Variants in MOB2 observed in about 807,000 individuals in gnomAD.
MOB2 encodes MOB2 Mps One Binder homolog.
Under a neutral mutation model 27.4 loss-of-function variants are expected in MOB2, and 14 were observed. That is an observed-to-expected ratio of 0.51 (90% CI 0.34 to 0.80). The LOEUF is 0.80. MOB2 is among the 30% of genes least tolerant of loss of function. The probability of loss-of-function intolerance (pLI) is 0.01; values close to 1 mark genes in which losing one functional copy is unlikely to be tolerated. For missense variants in MOB2, 304 were observed against 354.6 expected (o/e 0.86, Z 1.15); for synonymous variants, 167 against 151.8 (o/e 1.10, Z -0.74).
intron 3 of MOB2, 44 bp downstream of exon 3, chr11:1,480,349 C>A: frequency 6.3e-7 from 1 of 1,575,724 alleles, no homozygotes; most frequent in Non-Finnish European, 8.7e-7. Context: ...AGAGCCCCAC[C>A]GAGTCTCCCA....
rs560447464 is a variant in MOB2, at chr11:1,485,313, C to T, written c.110+1134G>A. ...ACTGGCACAGGCACACACACACACA[C>T]GCCAGTCCCCTCACACCACTGATGT... On this transcript the variant is annotated intron_variant, in intron 1 of 4. Coordinates refer to ENST00000329957, the MANE Select transcript of MOB2 (RefSeq NM_001172223.3). 1.2e-4 allele frequency among the ~76,000 whole-genome samples: 18 copies of T among 152,342 alleles called. No homozygotes were observed. In the East Asian group the frequency reaches 1.7e-3, roughly 15 times the overall value.
At position 1,473,894 on chromosome 11, in the gene MOB2, G is replaced by A. The variant is rs574739911; in HGVS notation, c.366-2475C>T. The stretch of plus-strand genomic sequence containing the variant: ...CTCCTCAGGGATGGGCCGCGGGAAG[G>A]AATCGCACCGCGCGGATCCTCCCGA... On this transcript the variant is annotated intron_variant, in intron 3 of 4. Transcript: ENST00000329957. Among the ~76,000 whole-genome samples the A allele has an allele frequency of 3.3e-5, 5 of 152,378 alleles. No individual in the cohort carries two copies. The South Asian group carries it at 1.0e-3, about 32-fold the overall frequency.
chr11:1,482,312 G>A (rs981954577), intron 1 of MOB2, among the ~76,000 whole-genome samples: 21 of 152,244 alleles, frequency 1.4e-4, no homozygotes, highest in African/African-American at 3.4e-4. Flanking sequence ...AGCTGTCAGC[G>A]CGCTCACTCT....
In MOB2 at chr11:1,486,641, C is replaced by T. The variant is rs1847973545; in HGVS notation, c.-85G>A. 5 of 880,888 alleles carry T rather than the reference C, an allele frequency of 5.7e-6. No individual in the cohort carries two copies. Among genetic ancestry groups the T allele is most frequent in the Middle Eastern group, 3.2e-4 (1 of 3,156 alleles). 54.6% of individuals were successfully genotyped at this position (880,888 alleles called of 1,614,324 possible). A position where few individuals can be genotyped will look rare whatever the true frequency, so the allele number is the denominator to read the frequency against. On this transcript the variant is annotated 5_prime_UTR_variant, in exon 1 of 5. Transcript: ENST00000329957. ...CGCAAATGCCTGCTGCCGGGCCCTC[C>T]AGCCTCACTCCCTGGCCAATGGGAC...
Position 1,469,507 on chromosome 11 carries a change from G to A in MOB2, c.*665C>T, listed in dbSNP as rs1159295840. 1 of 453,966 alleles carries A rather than the reference G, an allele frequency of 2.2e-6. No homozygotes were observed. Among genetic ancestry groups the A allele is most frequent in the Admixed American group, 2.4e-5 (1 of 42,500 alleles). 28.1% of individuals were successfully genotyped at this position (453,966 alleles called of 1,614,324 possible). A position where few individuals can be genotyped will look rare whatever the true frequency, so the allele number is the denominator to read the frequency against. ...CGAGTGAACAGATGAACTAAGGTAAGCGGGTCTCAGCCTTCCGCTGGTGCA... is the reference window on the plus strand; with the variant it reads ...CGAGTGAACAGATGAACTAAGGTAAACGGGTCTCAGCCTTCCGCTGGTGCA... On this transcript the variant is annotated 3_prime_UTR_variant, in exon 5 of 5. Transcript: ENST00000329957.
intron 1 of MOB2, chr11:1,481,386 C>T (rs929579350): frequency 4.1e-5 from 8 of 194,824 alleles, no homozygotes; most frequent in Admixed American, 2.2e-4. Flanking sequence ...CCTGAGAGCA[C>T]GGGGCCCCTG....
intron 1 of MOB2, among the ~76,000 whole-genome samples, chr11:1,484,984 G>A (rs1177682547): frequency 6.6e-6 from 1 of 152,152 alleles, no homozygotes; most frequent in East Asian, 1.9e-4. Context: ...CCATTGAGAA[G>A]GAAAAAGCCA....
intron 1 of MOB2, 185 bp from the exon 2 acceptor site, chr11:1,481,070 G>A (rs1847907947): frequency 1.4e-6 from 1 of 735,188 alleles, no homozygotes; most frequent in Non-Finnish European, 2.2e-6. Context: ...TCCGCAGAGG[G>A]GCCAGTGGAG....
intron 1 of MOB2, among the ~76,000 whole-genome samples, chr11:1,484,642 T>C (rs1057068300): frequency 2.6e-5 from 4 of 152,130 alleles, no homozygotes; most frequent in Non-Finnish European, 5.9e-5. Context: ...GCTGGGGTGC[T>C]TGGCGCCACC....
chr11:1,477,691 G>A (rs916304465), intron 3 of MOB2, among the ~76,000 whole-genome samples: 1 of 152,180 alleles, frequency 6.6e-6, no homozygotes, highest in African/African-American at 2.4e-5. Flanking sequence ...GTCCACAGTG[G>A]ATCTTCACCT....
chr11:1,480,795 G>T lies in MOB2; in HGVS notation c.201C>A (p.Thr67=). ...CCACCAGCTCCTTGAACTGGAAGTC[G>T]GTGATCCTGGCCTTGGTGTGCTCAG... ...LEPEHTKARI[T]DFQFKELVVL... Residue 67 remains threonine (T), a synonymous_variant, in exon 2 of 5, where the codon ACC becomes ACA. Transcript: ENST00000329957. 6.3e-7 allele frequency: 1 copy of T among 1,598,026 alleles called. No homozygotes were observed.
chr11:1,470,454 C>A lies in MOB2; in HGVS notation c.525G>T (p.Val175=). The A allele has an allele frequency of 1.2e-6, 2 of 1,613,388 alleles. No homozygotes were observed. The highest frequency in any genetic ancestry group is 1.7e-6 in the Non-Finnish European group (2 of 1,179,710). Reference sequence around the variant, plus strand: ...GGAACAGGTGTCTGCAGATCTTCCTCACCAGGGACTCAAAGGAGCTGGGGA... The same window carrying A: ...GGAACAGGTGTCTGCAGATCTTCCTAACCAGGGACTCAAAGGAGCTGGGGA... The part of the protein sequence containing the change: ...REFPSSFESL[V]RKICRHLFHV... The change falls in exon 5 of 5, where the codon GTG becomes GTT. Residue 175 remains valine (V), a synonymous_variant. Coordinates refer to ENST00000329957, the MANE Select transcript of MOB2 (RefSeq NM_001172223.3).
chr11:1,476,672 G>GT (rs1252438258), intron 3 of MOB2, among the ~76,000 whole-genome samples: 3 of 152,058 alleles, frequency 2.0e-5, no homozygotes, highest in Admixed American at 1.3e-4. Context: ...TCTTTTTCTA[G>GT]TTTAAGTTGG....
rs1366228770 is a variant in MOB2, at chr11:1,469,782, A to C, written c.*390T>G. ...AAGCCCCACCCCCAGAGCAGAGCAGAGACCCAGGTCTGCAAATCACACCCT... is the reference window on the plus strand; with the variant it reads ...AAGCCCCACCCCCAGAGCAGAGCAGCGACCCAGGTCTGCAAATCACACCCT... On this transcript the variant is annotated 3_prime_UTR_variant, in exon 5 of 5. Transcript: ENST00000329957. 1 of 489,868 alleles carries C rather than the reference A, an allele frequency of 2.0e-6. No homozygotes were observed. Among genetic ancestry groups the C allele is most frequent in the Non-Finnish European group, 4.0e-6 (1 of 249,548 alleles). 30.3% of individuals were successfully genotyped at this position (489,868 alleles called of 1,614,324 possible).
chr11:1,480,846 C>A lies in MOB2; in HGVS notation c.150G>T (p.Ala50=). The A allele has an allele frequency of 1.3e-6, 2 of 1,569,476 alleles. No homozygotes were observed. The highest frequency in any genetic ancestry group is 2.4e-5 in the East Asian group (1 of 42,224). Residue 50 remains alanine, a synonymous_variant, in exon 2 of 5, where the codon GCG becomes GCT. Transcript: ENST00000329957. ...KAKPNGKKPA[A]EERKAYLEPE... ...GCTCCAGGTAGGCCTTCCTCTCCTC[C>A]GCAGCGGGCTTCTTGCCATTAGGCT...
At chr11:1,476,892 T>A (rs1287226128) in intron 3 of MOB2, among the ~76,000 whole-genome samples, 11 of 152,256 alleles carry the variant, frequency 7.2e-5, no homozygotes, top group African/African-American at 2.7e-4. Flanking sequence ...GAGACTTTCC[T>A]GTTCTCTGTT....
intron 3 of MOB2, among the ~76,000 whole-genome samples, chr11:1,478,189 G>A (rs569488489): frequency 7.2e-5 from 11 of 152,142 alleles, no homozygotes; most frequent in East Asian, 3.9e-4. Flanking sequence ...CAGCCCCACC[G>A]CCACCACAGG....
intron 3 of MOB2, among the ~76,000 whole-genome samples, chr11:1,477,347 C>T (rs1195248808): frequency 1.3e-5 from 2 of 152,166 alleles, no homozygotes; most frequent in East Asian, 1.9e-4. Flanking sequence ...TAGCCACTTC[C>T]GCTTCCTTCT....
At chr11:1,481,043 A>C in intron 1 of MOB2, 158 bp from the exon 2 acceptor site, 1 of 876,810 alleles carries the variant, frequency 1.1e-6, no homozygotes, top group African/African-American at 1.7e-5. Context: ...CCAACGGGAC[A>C]CCAACGGTGA....
Sources: allele counts gnomAD v4.1 joint callset (sites outside exome capture counted in the v4.1 genomes callset), GRCh38; gene constraint gnomAD v4.1.1; transcripts MANE v1.5; gene names NCBI Gene and HGNC (gene_info 2026-07-23, HGNC 2026-07-21).